DPP6: variants seen among roughly 807,000 people sequenced by gnomAD.
DPP6 encodes dipeptidyl peptidase like 6, also known as A-type potassium channel modulatory protein DPP6.
In DPP6, 69 loss-of-function variants were observed where a neutral mutation model predicts 122.6. That is an observed-to-expected ratio of 0.56 (90% CI 0.46 to 0.69). The LOEUF (loss-of-function observed/expected upper bound fraction) is 0.69, where lower values mean the gene tolerates loss of function less well. DPP6 is among the 30% of genes least tolerant of loss of function. DPP6 has a pLI of 0.00. For synonymous variants in DPP6, 418 were observed against 433.1 expected, an observed-to-expected ratio of 0.97 and a Z score of 0.43; for missense variants, 928 against 1,116.9, an observed-to-expected ratio of 0.83 and a Z score of 2.41.
intron 8 of DPP6, among the ~76,000 whole-genome samples, chr7:154,736,228 A>G (rs1378687885): frequency 6.6e-6 from 1 of 152,206 alleles, no homozygotes; most frequent in Non-Finnish European, 1.5e-5. Flanking sequence ...TGGAGCTGAA[A>G]TGGACGTTAG....
At chr7:154,642,980 T>A (rs1289753914) in intron 6 of DPP6, among the ~76,000 whole-genome samples, 1 of 152,228 alleles carries the variant, frequency 6.6e-6, no homozygotes, top group Non-Finnish European at 1.5e-5. Flanking sequence ...TAGTTAATAT[T>A]GTAGTATGTA....
intron 1 of DPP6, among the ~76,000 whole-genome samples, chr7:154,189,768 G>A (rs1798524783): frequency 6.6e-6 from 1 of 152,098 alleles, no homozygotes; most frequent in Non-Finnish European, 1.5e-5. Flanking sequence ...TTGTGTTTCA[G>A]TGTATATCTT....
At chr7:154,337,675 C>G (rs548752540) in intron 1 of DPP6, among the ~76,000 whole-genome samples, 1 of 152,282 alleles carries the variant, frequency 6.6e-6, no homozygotes, top group Admixed American at 6.5e-5. Flanking sequence ...TCTCAGCCAT[C>G]CTGGGCTCAG....
intron 8 of DPP6, among the ~76,000 whole-genome samples, chr7:154,757,379 AGTGG>A (rs1795197800): frequency 6.6e-6 from 1 of 152,200 alleles, no homozygotes; most frequent in Non-Finnish European, 1.5e-5. Flanking sequence ...CCCACTGCCC[AGTGG>A]GTGTTCAGTG....
At chr7:154,592,870 C>G (rs1191990013) in intron 5 of DPP6, among the ~76,000 whole-genome samples, 1 of 152,198 alleles carries the variant, frequency 6.6e-6, no homozygotes, top group East Asian at 1.9e-4. Flanking sequence ...AAACCACCCT[C>G]AATACAGCCT....
At chr7:154,187,083 A>G (rs1465409412) in intron 1 of DPP6, among the ~76,000 whole-genome samples, 1 of 152,166 alleles carries the variant, frequency 6.6e-6, no homozygotes, top group African/African-American at 2.4e-5. Flanking sequence ...GCTGACTTTG[A>G]AGGAAGCACC....
At chr7:154,310,408 G>C (rs752308393) in intron 1 of DPP6, among the ~76,000 whole-genome samples, 1 of 152,182 alleles carries the variant, frequency 6.6e-6, no homozygotes, top group Non-Finnish European at 1.5e-5. Flanking sequence ...ATCAGCAAGT[G>C]CCATTTAGCA....
intron 3 of DPP6, among the ~76,000 whole-genome samples, chr7:154,491,892 G>A (rs56354721): frequency 0.056 from 8,550 of 152,098 alleles, 797 homozygotes; most frequent in African/African-American, 0.19. Flanking sequence ...CCCTTCCAGC[G>A]TTAAGTTCCA....
At chr7:154,540,300 C>T (rs12672685) in intron 3 of DPP6, among the ~76,000 whole-genome samples, 4,295 of 152,182 alleles carry the variant, frequency 0.028, 94 homozygotes, top group South Asian at 0.083. Flanking sequence ...CAAAGGTTTT[C>T]GGTGTGTGCG....
chr7:154,684,057 TG>T (rs1373429277), intron 7 of DPP6, among the ~76,000 whole-genome samples: 3 of 152,168 alleles, frequency 2.0e-5, no homozygotes, highest in African/African-American at 4.8e-5. Flanking sequence ...TTTGTAGAGA[TG>T]GGGGTCTCAC....
rs1823503275 is a variant in DPP6, at chr7:154,483,423, C to T, written c.457+8386C>T. Among the ~76,000 whole-genome samples the T allele has an allele frequency of 6.7e-6, 1 of 150,374 alleles. No individual in the cohort carries two copies. The highest frequency in any genetic ancestry group is 2.5e-5 in the African/African-American group (1 of 40,622). On this transcript the variant is annotated intron_variant, in intron 3 of 25. Transcript: ENST00000377770. This position sits in a 1 kb window ranked among gnomAD's most constrained non-coding sequence, Gnocchi z 8.1. ...TTTTAAAAGCATTTATTTGAGCAAA[C>T]AGTGATTCATGAATTGGGCAGCTCC...
chr7:154,867,166 A>T (rs1803944152), intron 17 of DPP6, among the ~76,000 whole-genome samples: 1 of 152,220 alleles, frequency 6.6e-6, no homozygotes, highest in Non-Finnish European at 1.5e-5. Context: ...ACCACAAGTT[A>T]TCCCCATGTG....
intron 1 of DPP6, among the ~76,000 whole-genome samples, chr7:154,338,807 C>T (rs1809655889): frequency 2.6e-5 from 4 of 152,168 alleles, no homozygotes; most frequent in Admixed American, 2.0e-4. Flanking sequence ...CATTTAGCAC[C>T]TCTCTTCCTC....
chr7:153,776,270 A>G, the DPP6 span, among the ~76,000 whole-genome samples: 290 of 152,236 alleles, frequency 1.9e-3, no homozygotes, highest in African/African-American at 6.4e-3. Context: ...AGTTCCCGTA[A>G]TCCCCAAGTG....
chr7:154,350,313 C>T (rs1204937350), intron 1 of DPP6, among the ~76,000 whole-genome samples: 1 of 152,126 alleles, frequency 6.6e-6, no homozygotes, highest in Admixed American at 6.5e-5. Context: ...GGAACACGGC[C>T]TTGAAGGGTG....
rs185464229 is a variant in DPP6 at position 154,110,513 on chromosome 7, A to C, written c.243+57450A>C. Among the ~76,000 whole-genome samples the C allele has an allele frequency of 1.2e-3, 178 of 152,346 alleles. 1 individual carries two copies. The highest frequency in any genetic ancestry group is 2.3e-3 in the South Asian group (11 of 4,826). On this transcript the variant is annotated intron_variant, in intron 1 of 25. Coordinates refer to ENST00000377770, the MANE Select transcript of DPP6 (RefSeq NM_130797.4). Reference sequence around the variant, plus strand: ...AAAATAGACAAGAAGGACAGAAATCAGAGAGAAAAACACAGACACATCAGA... The same window carrying C: ...AAAATAGACAAGAAGGACAGAAATCCGAGAGAAAAACACAGACACATCAGA...
chr7:154,139,203 A>C (rs1293682066), intron 1 of DPP6, among the ~76,000 whole-genome samples: 1 of 149,660 alleles, frequency 6.7e-6, no homozygotes, highest in Non-Finnish European at 1.5e-5. Context: ...TCTGCAAGCT[A>C]TAGAATGGGG....
At chr7:153,831,013 G>T in the DPP6 span, among the ~76,000 whole-genome samples, 1 of 152,254 alleles carries the variant, frequency 6.6e-6, no homozygotes, top group Non-Finnish European at 1.5e-5. Flanking sequence ...GAAAAAGGAA[G>T]ATTTTCATGG....
intron 1 of DPP6, among the ~76,000 whole-genome samples, chr7:153,944,945 G>GT (rs1416480717): frequency 4.6e-5 from 7 of 152,064 alleles, no homozygotes; most frequent in Non-Finnish European, 1.0e-4. Flanking sequence ...AAACCAAGCT[G>GT]TTTTTTGCCT....
Sources: gnomAD v4.1 joint callset for allele counts (sites outside exome capture counted in the v4.1 genomes callset) on GRCh38, gnomAD v4.1.1 for gene constraint, Gnocchi (gnomAD v3.1) non-coding constraint, MANE v1.5 for transcripts, NCBI Gene and HGNC (gene_info 2026-07-23, HGNC 2026-07-21) for gene names.